The following PPL variants were observed in gnomAD, a reference collection of about 807,000 sequenced individuals.
PPL encodes 190 kDa paraneoplastic pemphigus antigen.
Under a neutral mutation model 194.4 loss-of-function variants are expected in PPL, and 198 were observed. The ratio of observed to expected loss-of-function variants is 1.02; its 90% CI spans 0.91 to 1.15. The LOEUF (loss-of-function observed/expected upper bound fraction) is 1.15. PPL is among the 50% of genes most tolerant of loss of function. The pLI, the probability that PPL is intolerant of heterozygous loss-of-function variation, is 0.00. For missense variants in PPL, 2,885 were observed against 2,294.8 expected, an observed-to-expected ratio of 1.26 and a Z score of -5.25; for synonymous variants, 1,220 against 972.4, an observed-to-expected ratio of 1.25 and a Z score of -4.74.
intron 9 of PPL, among the ~76,000 whole-genome samples, chr16:4,895,961 C>T (rs900180593): frequency 2.6e-5 from 4 of 152,236 alleles, no homozygotes; most frequent in African/African-American, 9.6e-5. Context: ...GAGATGCCAC[C>T]TCTGTGACAT....
Position 4,890,301 on chromosome 16 carries a change from G to C in PPL, c.2196C>G (p.Tyr732Ter), listed in dbSNP as rs150485802. Residue 732 changes from tyrosine to a stop codon, truncating the protein, a stop_gained, in exon 18 of 22, where the codon TAC (tyrosine) becomes TAG (stop). Coordinates refer to ENST00000345988, the MANE Select transcript of PPL (RefSeq NM_002705.5). LOFTEE classifies it high-confidence loss of function. ...GGTCATGGCCGCGGTGGAAGTGCTC[G>C]TAGGCTGCCTTGGCGCTCTGTAGGC... is the stretch of plus-strand genomic sequence containing the variant. ...AQSLQSAKAA[Y>*]EHFHRGHDHV... 18 of 1,614,072 alleles carry C rather than the reference G, an allele frequency of 1.1e-5. No individual in the cohort carries two copies. The highest frequency in any genetic ancestry group is 1.7e-4 in the Middle Eastern group (1 of 6,042).
At position 4,894,610 on chromosome 16, in the gene PPL, G is replaced by C. The variant is rs909512756; in HGVS notation, c.1251C>G (p.Ile417Met). 1.2e-6 allele frequency: 2 copies of C among 1,613,158 alleles called. No homozygotes were observed. Among genetic ancestry groups the C allele is most frequent in the African/African-American group, 2.7e-5 (2 of 75,056 alleles). ...GCAGGGTGTAGCTGTAGCCCCGCGA[G>C]ATCAGGCCCTGGCGGGGGCAGGCTG... ...LCDFEGEQGLISRGYSYTLQK... is the reference protein window; with the variant it reads ...LCDFEGEQGLMSRGYSYTLQK... The change falls in exon 12 of 22, where the codon ATC (isoleucine) becomes ATG (methionine). Residue 417 changes from isoleucine to methionine, a missense_variant. Coordinates refer to ENST00000345988, the MANE Select transcript of PPL (RefSeq NM_002705.5).
chr16:4,894,204 G>A (rs892562576), intron 12 of PPL, among the ~76,000 whole-genome samples: 5 of 152,210 alleles, frequency 3.3e-5, no homozygotes, highest in African/African-American at 9.7e-5. Flanking sequence ...CAGTGCGTGC[G>A]GGAGTCAGGG....
At chr16:4,910,823 G>GGTGGGA (rs773709360) in intron 2 of PPL, 27 bp downstream of exon 2, 50 of 1,591,836 alleles carry the variant, frequency 3.1e-5, no homozygotes, top group Non-Finnish European at 3.0e-5. Flanking sequence ...GGGGCACCCA[G>GGTGGGA]GTGGGAGTGG....
rs754837178 is a variant in PPL, at chr16:4,897,666, G to GGTAA, written c.972+5_972+8dup. 6.2e-7 allele frequency: 1 copy of GGTAA among 1,609,744 alleles called. No homozygotes were observed. Among genetic ancestry groups the GGTAA allele is most frequent in the Non-Finnish European group, 8.5e-7 (1 of 1,176,652 alleles). ...CGGTGCTGGGGGGACTCCCAGGAAA[G>GGTAA]GTAAGTACCTGGTGGTAGTCCTCCA... On this transcript the variant is annotated intron_variant, in intron 9 of 21. Coordinates refer to ENST00000345988, the MANE Select transcript of PPL (RefSeq NM_002705.5).
intron 1 of PPL, among the ~76,000 whole-genome samples, chr16:4,911,787 C>G (rs1228888557): frequency 6.6e-6 from 1 of 152,192 alleles, no homozygotes; most frequent in Non-Finnish European, 1.5e-5. Context: ...ATTCGTCCAC[C>G]TTGGACTCCC....
At chr16:4,925,642 G>T (rs2089142304) in intron 1 of PPL, among the ~76,000 whole-genome samples, 1 of 152,192 alleles carries the variant, frequency 6.6e-6, no homozygotes, top group South Asian at 2.1e-4. Context: ...ATGTTTTAAT[G>T]CAATTCGGTA....
intron 14 of PPL, 61 bp downstream of exon 14, chr16:4,893,152 G>A (rs2088350501): frequency 1.4e-6 from 2 of 1,442,100 alleles, no homozygotes; most frequent in South Asian, 2.8e-5. Flanking sequence ...CTCAAATAGG[G>A]GCCCCAGGGG....
intron 18 of PPL, among the ~76,000 whole-genome samples, 194 bp downstream of exon 18, chr16:4,889,990 G>T (rs1002821729): frequency 1.3e-5 from 2 of 152,258 alleles, no homozygotes; most frequent in African/African-American, 4.8e-5. Context: ...TGGGAGAGGT[G>T]AGCGACACAC....
chr16:4,901,282 T>C (rs2088564192), intron 4 of PPL, among the ~76,000 whole-genome samples, 193 bp from the exon 5 acceptor site: 1 of 152,180 alleles, frequency 6.6e-6, no homozygotes, highest in East Asian at 1.9e-4. Context: ...ATATCATCTT[T>C]CATCTCACAG....
At position 4,891,956 on chromosome 16, in the gene PPL, G is replaced by A. The variant is rs773612783; in HGVS notation, c.1830-7C>T. Reference sequence around the variant, plus strand: ...GCGGTTGGCCACATCAACCCTGAGAGCACCAATCAGGCGTCGGGGGATGCC... The same window carrying A: ...GCGGTTGGCCACATCAACCCTGAGAACACCAATCAGGCGTCGGGGGATGCC... On this transcript the variant is annotated splice_region_variant and splice_polypyrimidine_tract_variant and intron_variant, in intron 15 of 21. Coordinates refer to ENST00000345988, the MANE Select transcript of PPL (RefSeq NM_002705.5). 3 of 1,612,000 alleles carry A rather than the reference G, an allele frequency of 1.9e-6. No homozygotes were observed. Among genetic ancestry groups the A allele is most frequent in the African/African-American group, 2.7e-5 (2 of 74,918 alleles).
chr16:4,885,133 C>T lies in PPL; in HGVS notation c.3522G>A (p.Val1174=). The part of the protein sequence containing the change: ...ENAKVVVQEK[V]REIVRPDPKA... ...TGGGGTCTGGCCGCACGATCTCCCG[C>T]ACCTTCTCCTGCACCACCACTTTGG... The change falls in exon 22 of 22, where the codon GTG becomes GTA. Residue 1174 remains valine (V), a synonymous_variant. Transcript: ENST00000345988. This position sits in a 1 kb window ranked among gnomAD's most constrained non-coding sequence, Gnocchi z 6.3. The T allele has an allele frequency of 6.2e-7, 1 of 1,614,064 alleles. No homozygotes were observed. Among genetic ancestry groups the T allele is most frequent in the Non-Finnish European group, 8.5e-7 (1 of 1,180,028 alleles).
chr16:4,897,887 T>C lies in PPL; in HGVS notation c.877-117A>G, dbSNP rs2088465825. Reference sequence around the variant, plus strand: ...GGGAGGGAGGCATCTGGCATCTGTCTGGGTGTGGCTACCACAGGGGTAGCC... The same window carrying C: ...GGGAGGGAGGCATCTGGCATCTGTCCGGGTGTGGCTACCACAGGGGTAGCC... On this transcript the variant is annotated intron_variant, in intron 8 of 21. Coordinates refer to ENST00000345988, the MANE Select transcript of PPL (RefSeq NM_002705.5). The C allele has an allele frequency of 5.2e-6, 4 of 775,030 alleles. No individual in the cohort carries two copies. The East Asian group carries it at 1.1e-4, about 21-fold the overall frequency. The allele number at this position is 775,030 out of a possible 1,614,324, so 48.0% of individuals were successfully genotyped here. A position where few individuals can be genotyped will look rare whatever the true frequency, so the allele number is the denominator to read the frequency against.
At chr16:4,936,209 G>C (rs2089296389) in intron 1 of PPL, among the ~76,000 whole-genome samples, 1 of 152,202 alleles carries the variant, frequency 6.6e-6, no homozygotes, top group Admixed American at 6.5e-5. Context: ...CAGTTTCGGG[G>C]CTGGGGTGGG....
intron 21 of PPL, among the ~76,000 whole-genome samples, chr16:4,886,647 C>G (rs2088224783): frequency 6.6e-6 from 1 of 152,208 alleles, no homozygotes; most frequent in Non-Finnish European, 1.5e-5. Flanking sequence ...GAGACAGAGT[C>G]TCGCTCTGTT....
At chr16:4,909,055 G>A (rs1268904404) in intron 2 of PPL, among the ~76,000 whole-genome samples, 2 of 152,186 alleles carry the variant, frequency 1.3e-5, no homozygotes, top group East Asian at 1.9e-4. Context: ...CAGGTGTGGG[G>A]TGGCCAGGCA....
intron 16 of PPL, 127 bp downstream of exon 16, chr16:4,891,684 A>G (rs1178014292): frequency 1.6e-6 from 2 of 1,246,318 alleles, no homozygotes; most frequent in East Asian, 2.4e-5. Context: ...GCAGTTCCCA[A>G]TTTGGGCATT....
chr16:4,892,922 G>A, intron 14 of PPL: 1 of 363,304 alleles, frequency 2.8e-6, no homozygotes. Context: ...AGTCAAGCCA[G>A]CCGGTGACCC....
intron 2 of PPL, among the ~76,000 whole-genome samples, chr16:4,907,059 A>G (rs1286256092): frequency 6.7e-6 from 1 of 148,424 alleles, no homozygotes; most frequent in Non-Finnish European, 1.5e-5. Context: ...AGCCCGGGCA[A>G]TATAGTGAGA....
Sources: allele counts gnomAD v4.1 joint callset (sites outside exome capture counted in the v4.1 genomes callset), GRCh38; gene constraint gnomAD v4.1.1; non-coding constraint Gnocchi (gnomAD v3.1); transcripts MANE v1.5; gene names NCBI Gene and HGNC (gene_info 2026-07-23, HGNC 2026-07-21).